PKIB: variants seen among roughly 807,000 people sequenced by gnomAD.
PKIB encodes the protein PKI-beta.
PKIB carries 2 observed loss-of-function variants against 4.5 expected under a neutral mutation model. That is an observed-to-expected ratio of 0.44 (90% CI 0.18 to 1.39). PKIB has a LOEUF of 1.39. PKIB is among the 40% of genes most tolerant of loss of function. The pLI is 0.27. For missense variants in PKIB, 94 were observed against 92.6 expected (o/e 1.02, Z -0.06); for synonymous variants, 38 against 36.0 (o/e 1.06, Z -0.20).
At chr6:122,515,061 TTAG>T (rs1370015663) in intron 2 of PKIB, among the ~76,000 whole-genome samples, 1 of 152,236 alleles carries the variant, frequency 6.6e-6, no homozygotes, top group Admixed American at 6.5e-5. Context: ...ACAGCTGGTA[TTAG>T]TGTAGTTTCT....
At chr6:122,476,568 A>G (rs973233074) in intron 1 of PKIB, among the ~76,000 whole-genome samples, 53 of 152,182 alleles carry the variant, frequency 3.5e-4, no homozygotes, top group Admixed American at 3.1e-3. Context: ...TAACAAGCAG[A>G]TATGTTTATA....
At chr6:122,544,168 AG>A (rs1213967153) in intron 2 of PKIB, among the ~76,000 whole-genome samples, 7 of 151,970 alleles carry the variant, frequency 4.6e-5, no homozygotes, top group Non-Finnish European at 1.5e-5. Context: ...AAAATTTAAA[AG>A]TATATAATCA....
intron 2 of PKIB, among the ~76,000 whole-genome samples, chr6:122,527,330 A>G (rs529424294): frequency 2.0e-5 from 3 of 151,758 alleles, no homozygotes; most frequent in African/African-American, 7.2e-5. Flanking sequence ...TTGTTTTTGC[A>G]TTCACAACTT....
At chr6:122,495,787 G>A (rs1003414834) in intron 2 of PKIB, among the ~76,000 whole-genome samples, 8 of 152,156 alleles carry the variant, frequency 5.3e-5, no homozygotes, top group African/African-American at 1.7e-4. Flanking sequence ...GAAGCTATAT[G>A]TATCCGGTTG....
chr6:122,619,249 G>A (rs536498253), intron 1 of PKIB, among the ~76,000 whole-genome samples: 35 of 152,154 alleles, frequency 2.3e-4, no homozygotes, highest in Non-Finnish European at 4.1e-4. Context: ...CTATTCTCAC[G>A]TAGTTTGTGA....
chr6:122,607,853 A>T (rs1024305973), upstream of PKIB, among the ~76,000 whole-genome samples: 2 of 152,104 alleles, frequency 1.3e-5, no homozygotes, highest in African/African-American at 4.8e-5. Context: ...CCAGTCCTTG[A>T]TCCACTTACG....
chr6:122,517,064 A>C (rs1776781232), intron 2 of PKIB, among the ~76,000 whole-genome samples: 1 of 152,154 alleles, frequency 6.6e-6, no homozygotes, highest in Admixed American at 6.6e-5. Context: ...TTAGAGGTTA[A>C]ATGGTCTTTA....
intron 3 of PKIB, chr6:122,586,013 A>T (rs985877364): frequency 1.3e-5 from 2 of 152,174 alleles, no homozygotes; most frequent in Admixed American, 1.3e-4. Flanking sequence ...GGAAGGTAAC[A>T]TCTTTTTGGT....
At chr6:122,636,751 A>G (rs1293527068) in intron 2 of PKIB, among the ~76,000 whole-genome samples, 2 of 152,136 alleles carry the variant, frequency 1.3e-5, no homozygotes, top group African/African-American at 2.4e-5. Context: ...AGTCTGGAAA[A>G]GGCATATTTT....
chr6:122,507,694 T>C (rs993920961), intron 2 of PKIB, among the ~76,000 whole-genome samples: 2 of 151,624 alleles, frequency 1.3e-5, no homozygotes, highest in African/African-American at 4.8e-5. Flanking sequence ...TGGAATTTTG[T>C]TTATGGTAGA....
chr6:122,513,176 C>T (rs994684581), intron 2 of PKIB, among the ~76,000 whole-genome samples: 1 of 152,166 alleles, frequency 6.6e-6, no homozygotes, highest in Non-Finnish European at 1.5e-5. Flanking sequence ...TAATCTACAT[C>T]CACTGCCATG....
chr6:122,645,885 A>C (rs1490977137), intron 2 of PKIB, among the ~76,000 whole-genome samples: 3 of 152,148 alleles, frequency 2.0e-5, no homozygotes, highest in Non-Finnish European at 4.4e-5. Context: ...AAAACTGAAA[A>C]ACTCAAGTGT....
chr6:122,601,875 G>T (rs1243530833), intron 3 of PKIB, among the ~76,000 whole-genome samples: 6 of 152,100 alleles, frequency 3.9e-5, no homozygotes, highest in Non-Finnish European at 7.4e-5. Context: ...GTTATATGAG[G>T]ATTTTCAACA....
At chr6:122,724,431 G>A (rs2115099295) in intron 4 of PKIB, among the ~76,000 whole-genome samples, 1 of 152,160 alleles carries the variant, frequency 6.6e-6, no homozygotes, top group East Asian at 1.9e-4. Context: ...ACTTGCATTT[G>A]GTTTAATGTT....
intron 2 of PKIB, among the ~76,000 whole-genome samples, chr6:122,570,827 G>T (rs1381858794): frequency 6.6e-6 from 1 of 151,886 alleles, no homozygotes; most frequent in Non-Finnish European, 1.5e-5. Flanking sequence ...AAGTAATTCT[G>T]GTAATATGAC....
intron 2 of PKIB, chr6:122,530,973 T>C (rs1436085992): frequency 6.6e-6 from 1 of 152,204 alleles, no homozygotes; most frequent in Non-Finnish European, 1.5e-5. Flanking sequence ...CTACTCAATT[T>C]GCCTCTGTGG....
chr6:122,553,779 A>C (rs1280516804), intron 2 of PKIB, among the ~76,000 whole-genome samples: 2 of 152,142 alleles, frequency 1.3e-5, no homozygotes. Flanking sequence ...GAGAAAGGTG[A>C]GATTTCAGGA....
rs200748143 is a variant in PKIB at position 122,706,956 on chromosome 6, T to A, written c.-8-10831T>A. ...ATAGTGGTTTTAAAATTTTGAAAAT[T>A]TATGTTTTTAAATATTTTAGATATT... On this transcript the variant is annotated intron_variant, in intron 3 of 4. Transcript: ENST00000368452. Among the ~76,000 whole-genome samples, 10 of 152,160 alleles carry A rather than the reference T, an allele frequency of 6.6e-5. No individual in the cohort carries two copies. The East Asian group carries it at 1.9e-3, about 29-fold the overall frequency.
At chr6:122,608,450 G>C (rs1022180185), upstream of PKIB, among the ~76,000 whole-genome samples, 13 of 152,190 alleles carry the variant, frequency 8.5e-5, no homozygotes, top group Non-Finnish European at 2.9e-5. Context: ...CTTATGGTCA[G>C]GTCGTGTCTA....
Sources: allele counts gnomAD v4.1 joint callset (sites outside exome capture counted in the v4.1 genomes callset), GRCh38; gene constraint gnomAD v4.1.1; transcripts MANE v1.5; gene names NCBI Gene and HGNC (gene_info 2026-07-23, HGNC 2026-07-21).